The following SS18 variants were observed in gnomAD, a reference collection of about 807,000 sequenced individuals.
SS18 encodes the protein protein SSXT.
In SS18, 28 loss-of-function variants were observed where a neutral mutation model predicts 72.5. The ratio of observed to expected loss-of-function variants is 0.39; its 90% CI spans 0.29 to 0.53. SS18 has a LOEUF of 0.53. SS18 is among the 20% of genes least tolerant of loss of function. The probability of loss-of-function intolerance (pLI) is 0.76; values close to 1 mark genes in which losing one functional copy is unlikely to be tolerated. For missense variants in SS18, 518 were observed against 535.3 expected (o/e 0.97, Z 0.32); for synonymous variants, 172 against 164.2 (o/e 1.05, Z -0.37).
chr18:26,065,824 T>TATATATATA (rs10527527), intron 3 of SS18, among the ~76,000 whole-genome samples: 24 of 136,722 alleles, frequency 1.8e-4, no homozygotes, highest in East Asian at 4.3e-4. Flanking sequence ...TATATATATA[T>TATATATATA]GATCATTTTA....
chr18:26,049,843 C>A (rs929317915), intron 5 of SS18, among the ~76,000 whole-genome samples: 1 of 151,998 alleles, frequency 6.6e-6, no homozygotes, highest in Non-Finnish European at 1.5e-5. Flanking sequence ...TTCAAAATGA[C>A]AAAAAAATAA....
intron 4 of SS18, 57 bp downstream of exon 4, chr18:26,057,532 T>C (rs1016270563): frequency 1.2e-6 from 2 of 1,600,760 alleles, no homozygotes; most frequent in Non-Finnish European, 1.7e-6. Context: ...TGAGCCCCCA[T>C]GTCGTTTCAG....
intron 5 of SS18, among the ~76,000 whole-genome samples, chr18:26,044,142 G>C (rs2053778141): frequency 1.3e-5 from 2 of 151,978 alleles, no homozygotes; most frequent in Non-Finnish European, 1.5e-5. Flanking sequence ...TCACTTCATA[G>C]AACTCAGAGT....
chr18:26,047,845 G>A (rs768300927), intron 5 of SS18, among the ~76,000 whole-genome samples: 4 of 152,018 alleles, frequency 2.6e-5, no homozygotes, highest in Admixed American at 6.6e-5. Flanking sequence ...GTGAGACTCC[G>A]TCTCAAAAAA....
intron 3 of SS18, among the ~76,000 whole-genome samples, chr18:26,076,713 T>C (rs557962110): frequency 3.2e-4 from 49 of 152,052 alleles, no homozygotes; most frequent in African/African-American, 1.2e-3. Context: ...AAAGAAGCTA[T>C]GAAATACTTG....
rs984695780 is a variant in SS18, at chr18:26,057,437, C to T, written c.385+152G>A. The T allele has an allele frequency of 6.0e-6, 5 of 832,578 alleles. No homozygotes were observed. The African/African-American group carries it at 8.4e-5, about 14-fold the overall frequency. The allele number at this position is 832,578 out of a possible 1,614,324, so 51.6% of individuals were successfully genotyped here. A position where few individuals can be genotyped will look rare whatever the true frequency, so the allele number is the denominator to read the frequency against. The stretch of plus-strand genomic sequence containing the variant: ...CCTGATAAACACTGAATACAGGTCA[C>T]GTAGCTCTGTAGCTAACAAACTCTA... On this transcript the variant is annotated intron_variant, in intron 4 of 10. Coordinates refer to ENST00000415083, the MANE Select transcript of SS18 (RefSeq NM_001007559.3).
At chr18:26,047,259 C>CAAAA (rs71169806) in intron 5 of SS18, among the ~76,000 whole-genome samples, 70 of 75,616 alleles carry the variant, frequency 9.3e-4, no homozygotes, top group Middle Eastern at 8.5e-3. Flanking sequence ...AGTAATATGC[C>CAAAA]AAAAAAAAAA....
chr18:26,034,618 A>G (rs1012463245), intron 9 of SS18, among the ~76,000 whole-genome samples: 1 of 152,192 alleles, frequency 6.6e-6, no homozygotes, highest in Non-Finnish European at 1.5e-5. Flanking sequence ...ATGTCTTAAA[A>G]AAAACTGTAT....
intron 10 of SS18, among the ~76,000 whole-genome samples, chr18:26,022,043 C>T (rs190008658): frequency 6.6e-6 from 1 of 152,248 alleles, no homozygotes; most frequent in African/African-American, 2.4e-5. Context: ...GAAATCTGAG[C>T]AATACCAAAA....
At chr18:26,088,168 G>A (rs903750048) in intron 1 of SS18, among the ~76,000 whole-genome samples, 10 of 152,238 alleles carry the variant, frequency 6.6e-5, no homozygotes, top group African/African-American at 2.2e-4. Flanking sequence ...GCCCAGAAGG[G>A]AAAATCTGAA....
Position 26,035,255 on chromosome 18 carries a change from A to G in SS18, c.974-128T>C, listed in dbSNP as rs895763159. 11 of 1,196,554 alleles carry G rather than the reference A, an allele frequency of 9.2e-6. No homozygotes were observed. The Admixed American group carries it at 2.4e-4, about 26-fold the overall frequency. The allele number at this position is 1,196,554 out of a possible 1,614,324, so 74.1% of individuals were successfully genotyped here. ...GCCATATTGATTTTTAGAAGTTAAC[A>G]AAACAAAGAAAAAACTCAAACCAAA... On this transcript the variant is annotated intron_variant, in intron 8 of 10. Coordinates refer to ENST00000415083, the MANE Select transcript of SS18 (RefSeq NM_001007559.3). The surrounding 1 kb of genome is among the most constrained non-coding windows in gnomAD (Gnocchi z 4.4).
At chr18:26,044,791 G>A (rs1433759375) in intron 5 of SS18, among the ~76,000 whole-genome samples, 1 of 151,948 alleles carries the variant, frequency 6.6e-6, no homozygotes, top group Non-Finnish European at 1.5e-5. Context: ...GTAAAGGATC[G>A]AGATTGGAGA....
chr18:26,019,464 T>C (rs1426653785), intron 10 of SS18, among the ~76,000 whole-genome samples: 1 of 152,154 alleles, frequency 6.6e-6, no homozygotes, highest in Non-Finnish European at 1.5e-5. Flanking sequence ...ATACACATGA[T>C]AATGTGTTGA....
chr18:26,032,006 G>A (rs1194194129), intron 10 of SS18, among the ~76,000 whole-genome samples: 2 of 152,076 alleles, frequency 1.3e-5, no homozygotes, highest in Non-Finnish European at 2.9e-5. Context: ...AAGGGATCAC[G>A]GAGGGGGAAC....
At chr18:26,021,155 A>G (rs964484466) in intron 10 of SS18, among the ~76,000 whole-genome samples, 1 of 152,154 alleles carries the variant, frequency 6.6e-6, no homozygotes, top group Admixed American at 6.5e-5. Context: ...ACCATTAACA[A>G]ATTCCAAGGT....
At chr18:26,062,153 C>T (rs901487236) in intron 3 of SS18, among the ~76,000 whole-genome samples, 3 of 151,802 alleles carry the variant, frequency 2.0e-5, no homozygotes, top group Non-Finnish European at 2.9e-5. Flanking sequence ...CCAGCTAACT[C>T]GAGAGGCTGA....
chr18:26,022,528 G>A (rs2053370572), intron 10 of SS18, among the ~76,000 whole-genome samples: 1 of 151,848 alleles, frequency 6.6e-6, no homozygotes, highest in African/African-American at 2.4e-5. Context: ...CTGAGACATG[G>A]TAAACAAATG....
intron 6 of SS18, among the ~76,000 whole-genome samples, chr18:26,038,913 C>T (rs1217891891): frequency 6.6e-6 from 1 of 151,914 alleles, no homozygotes; most frequent in East Asian, 1.9e-4. Flanking sequence ...AAAACAAATG[C>T]TAACTTCTTA....
chr18:26,016,426 GA>G lies in SS18; in HGVS notation c.*1927del. 1 of 182,492 alleles carries G rather than the reference GA, an allele frequency of 5.5e-6. No homozygotes were observed. The highest frequency in any genetic ancestry group is 1.2e-5 in the Non-Finnish European group (1 of 85,438). 11.3% of individuals were successfully genotyped at this position (182,492 alleles called of 1,614,324 possible). On this transcript the variant is annotated 3_prime_UTR_variant, in exon 11 of 11. Coordinates refer to ENST00000415083, the MANE Select transcript of SS18 (RefSeq NM_001007559.3). Reference sequence around the variant, plus strand: ...CCATTTTCTACTGATCAAGTTGAAAGAAAAAACCTATTCTGGCCAGGCACGG... The same window carrying G: ...CCATTTTCTACTGATCAAGTTGAAAGAAAAACCTATTCTGGCCAGGCACGG...
Sources: allele counts gnomAD v4.1 joint callset (sites outside exome capture counted in the v4.1 genomes callset), GRCh38; gene constraint gnomAD v4.1.1; non-coding constraint Gnocchi (gnomAD v3.1); transcripts MANE v1.5; gene names NCBI Gene and HGNC (gene_info 2026-07-23, HGNC 2026-07-21).